The following ERAP1 variants were observed in gnomAD, a reference collection of about 807,000 sequenced individuals.
ERAP1 encodes the protein adipocyte-derived leucine aminopeptidase.
In ERAP1, 86 loss-of-function variants were observed where a neutral mutation model predicts 103.7. The ratio of observed to expected loss-of-function variants is 0.83; its 90% CI spans 0.70 to 0.99. The LOEUF (loss-of-function observed/expected upper bound fraction) is 0.99, where lower values mean the gene tolerates loss of function less well. Ranked by LOEUF, ERAP1 falls within the 50% of genes least tolerant of loss-of-function variation. The probability of loss-of-function intolerance (pLI) is 0.00; values close to 1 mark genes in which losing one functional copy is unlikely to be tolerated. For synonymous variants in ERAP1, 398 were observed against 402.4 expected (o/e 0.99, Z 0.13); for missense variants, 1,009 against 1,128.4 (o/e 0.89, Z 1.52).
intron 1 of ERAP1, 143 bp from the exon 2 acceptor site, chr5:96,804,086 G>T (rs1303461129): frequency 3.6e-6 from 3 of 834,696 alleles, no homozygotes; most frequent in East Asian, 5.2e-5. Context: ...GAAAGTAAAA[G>T]GACCTTCCCT....
the ERAP1 span, among the ~76,000 whole-genome samples, chr5:96,874,193 AG>A: frequency 1.3e-5 from 2 of 152,050 alleles, no homozygotes; most frequent in Non-Finnish European, 2.9e-5. Flanking sequence ...AGAGAGAGAA[AG>A]AAGAAAGAAA....
chr5:96,780,453 A>T lies in ERAP1; in HGVS notation c.2640T>A (p.Asn880Lys), dbSNP rs1214472415. ...CAAGCCGTGTTCTTGTGGAGAATTG[A>T]TTTGTTGTACCCATTACCATGTGGG... ...SIAHMVMGTT[N>K]QFSTRTRLEE... The change falls in exon 18 of 19, where the codon AAT (asparagine) becomes AAA (lysine). Residue 880 changes from asparagine to lysine, a missense_variant. Physicochemically the swap from Asn to Lys is moderately conservative, Grantham distance 94 (BLOSUM62 0). This residue lies in a region of ERAP1 where 611 missense variants were observed against 651.7 expected (regional missense o/e 0.94). Transcript: ENST00000443439. 1 of 1,612,060 alleles carries T rather than the reference A, an allele frequency of 6.2e-7. No individual in the cohort carries two copies.
In ERAP1 at chr5:96,774,785, G is replaced by A; in HGVS notation, c.*1611C>T. ...TTAAACCATTCACTACAACAAATAA[G>A]TATAAAAATTCCAATTCCACTTTTA... On this transcript the variant is annotated 3_prime_UTR_variant, in exon 19 of 19. Coordinates refer to ENST00000443439, the MANE Select transcript of ERAP1 (RefSeq NM_001040458.3). The A allele has an allele frequency of 1.0e-6, 1 of 983,960 alleles. No individual in the cohort carries two copies. The highest frequency in any genetic ancestry group is 4.7e-5 in the South Asian group (1 of 21,260). 61.0% of individuals were successfully genotyped at this position (983,960 alleles called of 1,614,324 possible).
chr5:96,788,389 A>G (rs1450474961), intron 11 of ERAP1, 142 bp downstream of exon 11: 12 of 989,792 alleles, frequency 1.2e-5, no homozygotes, highest in East Asian at 7.7e-5. Context: ...GGCAGGGAGT[A>G]TAAGTCAACT....
the ERAP1 span, among the ~76,000 whole-genome samples, chr5:96,890,682 A>G: frequency 6.6e-6 from 1 of 152,200 alleles, no homozygotes; most frequent in Non-Finnish European, 1.5e-5. Flanking sequence ...ATAAATTAAA[A>G]GGGACCATCA....
the ERAP1 span, among the ~76,000 whole-genome samples, chr5:96,829,842 T>C: frequency 6.6e-6 from 1 of 152,188 alleles, no homozygotes; most frequent in African/African-American, 2.4e-5. Context: ...CTATTCAGTG[T>C]TAGCAGGTGT....
At chr5:96,895,849 A>G in the ERAP1 span, among the ~76,000 whole-genome samples, 1 of 152,186 alleles carries the variant, frequency 6.6e-6, no homozygotes, top group Non-Finnish European at 1.5e-5. Flanking sequence ...ACAAATTTGC[A>G]TATCAAGGTG....
intron 3 of ERAP1, among the ~76,000 whole-genome samples, 189 bp downstream of exon 3, chr5:96,800,673 C>G (rs1349915919): frequency 6.6e-6 from 1 of 152,110 alleles, no homozygotes; most frequent in East Asian, 1.9e-4. Context: ...TTTTTAGGTG[C>G]AATTTTTACT....
chr5:96,932,581 C>T, the ERAP1 span, among the ~76,000 whole-genome samples: 1 of 152,282 alleles, frequency 6.6e-6, no homozygotes, highest in African/African-American at 2.4e-5. Context: ...CACAGATGGC[C>T]TGAGTTCCAG....
At chr5:96,905,408 G>A in the ERAP1 span, among the ~76,000 whole-genome samples, 3 of 152,094 alleles carry the variant, frequency 2.0e-5, no homozygotes, top group African/African-American at 7.2e-5. Flanking sequence ...GTAATTATGA[G>A]TCTAATTTCT....
chr5:96,816,124 G>T, the ERAP1 span, among the ~76,000 whole-genome samples: 13 of 152,156 alleles, frequency 8.5e-5, no homozygotes, highest in African/African-American at 3.1e-4. Flanking sequence ...GGCAGCATCA[G>T]TATCAGTTTT....
In ERAP1 at chr5:96,784,008, G is replaced by A. The variant is rs143605421; in HGVS notation, c.2016C>T (p.Pro672=). Residue 672 remains proline (P), a synonymous_variant, in exon 14 of 19, where the codon CCC becomes CCT. Coordinates refer to ENST00000443439, the MANE Select transcript of ERAP1 (RefSeq NM_001040458.3). ...LYLKHETEIM[P]VFQGLNELIP... is the part of the protein sequence containing the mutation. ...TCAGCTCATTCAAACCTTGAAACAC[G>A]GGCATAATTTCAGTTTCATGTTTCA... 11 of 1,613,642 alleles carry A rather than the reference G, an allele frequency of 6.8e-6. No homozygotes were observed. The highest frequency in any genetic ancestry group is 5.1e-6 in the Non-Finnish European group (6 of 1,179,896).
chr5:96,832,815 C>A, the ERAP1 span, among the ~76,000 whole-genome samples: 3 of 152,192 alleles, frequency 2.0e-5, no homozygotes, highest in African/African-American at 7.2e-5. Flanking sequence ...TTCATGATCC[C>A]TTTGGGCTGA....
chr5:96,779,164 T>C (rs188341810), intron 18 of ERAP1, among the ~76,000 whole-genome samples: 3 of 152,366 alleles, frequency 2.0e-5, no homozygotes, highest in African/African-American at 7.2e-5. Context: ...TCTGTAATTG[T>C]CTGATTCCCA....
chr5:96,818,450 T>C, the ERAP1 span, among the ~76,000 whole-genome samples: 2 of 151,146 alleles, frequency 1.3e-5, no homozygotes, highest in Non-Finnish European at 2.9e-5. Context: ...TTCCTTTATG[T>C]TCCCAGCACT....
the ERAP1 span, among the ~76,000 whole-genome samples, chr5:96,857,146 T>A: frequency 6.6e-6 from 1 of 152,230 alleles, no homozygotes; most frequent in African/African-American, 2.4e-5. Flanking sequence ...ACCTCCACTC[T>A]TTGCCAGGCT....
Position 96,767,578 on chromosome 5 carries a change from A to G in ERAP1, c.2819-4350T>C. On this transcript the variant is annotated intron_variant, in intron 19 of 19. Transcript: ENST00000296754. Reference sequence around the variant, plus strand: ...GAAAACTAAAACATATTGAATGCCTACTCTGTGCCTGGTACTTTGTCAAAG... The same window carrying G: ...GAAAACTAAAACATATTGAATGCCTGCTCTGTGCCTGGTACTTTGTCAAAG... 3.6e-6 allele frequency: 3 copies of G among 840,470 alleles called. No individual in the cohort carries two copies. The South Asian group carries it at 4.4e-5, about 12-fold the overall frequency. 52.1% of individuals were successfully genotyped at this position (840,470 alleles called of 1,614,324 possible).
At chr5:96,911,512 A>G in the ERAP1 span, among the ~76,000 whole-genome samples, 1 of 152,134 alleles carries the variant, frequency 6.6e-6, no homozygotes, top group African/African-American at 2.4e-5. Flanking sequence ...TTATAAAATA[A>G]CTAGACACTA....
chr5:96,908,350 T>C, the ERAP1 span, among the ~76,000 whole-genome samples: 1 of 152,216 alleles, frequency 6.6e-6, no homozygotes, highest in East Asian at 1.9e-4. Flanking sequence ...CTTAGAATAA[T>C]AAACCTGTTA....
Sources: allele counts gnomAD v4.1 joint callset (sites outside exome capture counted in the v4.1 genomes callset), GRCh38; gene constraint gnomAD v4.1.1; regional missense constraint gnomAD v4.1.1; transcripts MANE v1.5; gene names NCBI Gene and HGNC (gene_info 2026-07-23, HGNC 2026-07-21).